The following ANXA8 variants were observed in gnomAD, a reference collection of about 807,000 sequenced individuals.
ANXA8 encodes the protein VAC-beta.
A neutral mutation model predicts 26.8 loss-of-function variants in ANXA8; 9 were observed. The ratio of observed to expected loss-of-function variants is 0.34; its 90% confidence interval spans 0.20 to 0.59. The LOEUF (loss-of-function observed/expected upper bound fraction) is 0.59, where lower values mean the gene tolerates loss of function less well. ANXA8 is among the 20% of genes least tolerant of loss of function. The probability of loss-of-function intolerance (pLI) is 0.84; values close to 1 mark genes in which losing one functional copy is unlikely to be tolerated. For missense variants in ANXA8, 83 were observed against 238.5 expected (o/e 0.35, Z 4.29); for synonymous variants, 39 against 94.8 (o/e 0.41, Z 3.42).
the ANXA8 span, among the ~76,000 whole-genome samples, chr10:47,685,165 G>C: frequency 4.8e-4 from 72 of 150,564 alleles, no homozygotes; most frequent in Non-Finnish European, 9.5e-4. Flanking sequence ...TGACTTACAT[G>C]GAGAAATCCC....
chr10:47,657,194 A>G, the ANXA8 span, among the ~76,000 whole-genome samples: 1 of 151,630 alleles, frequency 6.6e-6, no homozygotes, highest in African/African-American at 2.4e-5. Flanking sequence ...TAGCTATTTC[A>G]CTTTCCTTTC....
the ANXA8 span, among the ~76,000 whole-genome samples, chr10:47,557,813 TGTGTTTGCTTTTGA>T: frequency 2.0e-5 from 3 of 150,746 alleles, no homozygotes; most frequent in African/African-American, 7.3e-5. Flanking sequence ...GAGGCTTTTG[TGTGTTTGCTTTTGA>T]GTCAGCTAGG....
At chr10:47,503,937 C>CAAAAAAAAAAAAAAAAAAAA in the ANXA8 span, among the ~76,000 whole-genome samples, 1 of 23,442 alleles carries the variant, frequency 4.3e-5, no homozygotes, top group Non-Finnish European at 6.8e-5. Context: ...GAGAGTCCAT[C>CAAAAAAAAAAAAAAAAAAAA]AAAAAAAAAA....
At chr10:47,765,678 A>T in the ANXA8 span, among the ~76,000 whole-genome samples, 48 of 145,334 alleles carry the variant, frequency 3.3e-4, no homozygotes, top group East Asian at 1.6e-3. Context: ...ATGGCAAAAA[A>T]CCTTGCCCAG....
the ANXA8 span, among the ~76,000 whole-genome samples, chr10:47,744,424 G>GGGGGGGGAGGGGGGAAGGGGGGGGTT: frequency 1.8e-5 from 1 of 54,588 alleles, no homozygotes; most frequent in African/African-American, 8.8e-5. Flanking sequence ...GGGGGGGGTT[G>GGGGGGGGAGGGGGGAAGGGGGGGGTT]GGGGGGAGGG....
chr10:47,555,449 T>A, the ANXA8 span, among the ~76,000 whole-genome samples: 2 of 151,728 alleles, frequency 1.3e-5, no homozygotes, highest in African/African-American at 2.4e-5. Flanking sequence ...TGTGCCTGGT[T>A]ACTCCACTTC....
upstream of ANXA8, chr10:47,484,714 T>C: frequency 4.2e-6 from 3 of 717,808 alleles, no homozygotes; most frequent in Non-Finnish European, 6.5e-6. Context: ...TCTCGTTTCT[T>C]TGGTGGAAGG....
At position 47,484,063 on chromosome 10, in the gene ANXA8, G is replaced by A; in HGVS notation, c.-130C>T. ...CGCTCACTTGGGTGTGGGGGTGCAA[G>A]CCCGCCCAGGGCAGCGCCACACCTG... On this transcript the variant is annotated 5_prime_UTR_variant, in exon 1 of 12. Transcript: ENST00000585281. The A allele has an allele frequency of 6.2e-7, 1 of 1,608,304 alleles. No homozygotes were observed. Among genetic ancestry groups the A allele is most frequent in the East Asian group, 2.2e-5 (1 of 44,824 alleles).
At chr10:47,571,408 G>GT in the ANXA8 span, among the ~76,000 whole-genome samples, 1 of 148,044 alleles carries the variant, frequency 6.8e-6, no homozygotes, top group Non-Finnish European at 1.5e-5. Context: ...GGCAAAGGGA[G>GT]TTTTTTCTCT....
the ANXA8 span, among the ~76,000 whole-genome samples, chr10:47,651,035 C>G: frequency 9.9e-5 from 15 of 151,238 alleles, no homozygotes; most frequent in African/African-American, 3.7e-4. Context: ...AAGTTAGAGA[C>G]CAGCCTGGGC....
chr10:47,700,033 T>C, the ANXA8 span, among the ~76,000 whole-genome samples: 2 of 151,962 alleles, frequency 1.3e-5, no homozygotes, highest in African/African-American at 4.8e-5. Context: ...GAAAGACATT[T>C]CCTGTTCTTG....
chr10:47,951,571 A>G, the ANXA8 span, among the ~76,000 whole-genome samples: 1 of 150,646 alleles, frequency 6.6e-6, no homozygotes, highest in African/African-American at 2.5e-5. Flanking sequence ...GCACTTTGAG[A>G]GGCTGAGCTG....
the ANXA8 span, among the ~76,000 whole-genome samples, chr10:47,625,720 T>C: frequency 8.4e-3 from 1,252 of 148,490 alleles, 8 homozygotes; most frequent in African/African-American, 0.031. Flanking sequence ...ATATTTTGTG[T>C]GTGTGGTGAG....
the ANXA8 span, among the ~76,000 whole-genome samples, chr10:47,536,577 A>G: frequency 2.5e-3 from 313 of 127,456 alleles, 11 homozygotes; most frequent in African/African-American, 0.01. Context: ...ACACACACAC[A>G]TAAACACTAC....
chr10:47,907,251 G>A, the ANXA8 span, among the ~76,000 whole-genome samples: 2 of 152,164 alleles, frequency 1.3e-5, no homozygotes, highest in Non-Finnish European at 2.9e-5. Flanking sequence ...CAGCTACTTG[G>A]GAGGCTGAGG....
At chr10:47,667,045 T>C in the ANXA8 span, among the ~76,000 whole-genome samples, 2 of 152,038 alleles carry the variant, frequency 1.3e-5, no homozygotes, top group Non-Finnish European at 2.9e-5. Flanking sequence ...TTTCATCATC[T>C]TGAAGAAGAC....
chr10:47,548,388 A>G, the ANXA8 span, among the ~76,000 whole-genome samples: 3 of 148,240 alleles, frequency 2.0e-5, no homozygotes, highest in African/African-American at 7.4e-5. Context: ...CGCAACCTCC[A>G]TCTCCTGGGT....
At chr10:47,721,537 T>C in the ANXA8 span, among the ~76,000 whole-genome samples, 1 of 140,512 alleles carries the variant, frequency 7.1e-6, no homozygotes, top group African/African-American at 2.6e-5. Flanking sequence ...AAGCCTTTTT[T>C]TTTTATTTTT....
At chr10:47,576,455 CT>C in the ANXA8 span, among the ~76,000 whole-genome samples, 2,352 of 73,910 alleles carry the variant, frequency 0.032, 3 homozygotes, top group African/African-American at 0.041. Context: ...ACATCCCTAT[CT>C]TTTTTTTTTT....
Sources: gnomAD v4.1 joint callset for allele counts (sites outside exome capture counted in the v4.1 genomes callset) on GRCh38, gnomAD v4.1.1 for gene constraint, MANE v1.5 for transcripts, NCBI Gene and HGNC (gene_info 2026-07-23, HGNC 2026-07-21) for gene names.